TFCP2L1: variants seen among roughly 807,000 people sequenced by gnomAD.
TFCP2L1 encodes transcription factor CP2-like protein 1.
TFCP2L1 carries 12 observed loss-of-function variants against 72.2 expected under a neutral mutation model. The ratio of observed to expected loss-of-function variants is 0.17; its 90% CI spans 0.11 to 0.27. The LOEUF (loss-of-function observed/expected upper bound fraction) is 0.27, where lower values mean the gene tolerates loss of function less well. TFCP2L1 is among the 10% of genes least tolerant of loss of function. The probability of loss-of-function intolerance (pLI) is 1.00; values close to 1 mark genes in which losing one functional copy is unlikely to be tolerated. For synonymous variants in TFCP2L1, 260 were observed against 251.0 expected (o/e 1.04, Z -0.34); for missense variants, 488 against 624.6 (o/e 0.78, Z 2.33).
In TFCP2L1 at chr2:121,219,302, G is replaced by A. The variant is rs964689609; in HGVS notation, c.*5039C>T. 6.6e-6 allele frequency: 1 copy of A among 152,280 alleles called. No homozygotes were observed. Among genetic ancestry groups the A allele is most frequent in the Admixed American group, 6.5e-5 (1 of 15,288 alleles). The allele number at this position is 152,280 out of a possible 1,614,324, so 9.4% of individuals were successfully genotyped here. A position where few individuals can be genotyped will look rare whatever the true frequency, so the allele number is the denominator to read the frequency against. The stretch of plus-strand genomic sequence containing the variant: ...TCATCTCCACACCTTGCCAAGCTGA[G>A]GCTGCTTCTGGCTGTGCTCATGGCA... On this transcript the variant is annotated 3_prime_UTR_variant, in exon 15 of 15. Coordinates refer to ENST00000263707, the MANE Select transcript of TFCP2L1 (RefSeq NM_014553.3).
chr2:121,246,644 G>C (rs949934799), intron 6 of TFCP2L1, among the ~76,000 whole-genome samples, 174 bp downstream of exon 6: 1 of 152,204 alleles, frequency 6.6e-6, no homozygotes, highest in African/African-American at 2.4e-5. Flanking sequence ...AGCAGCCTGT[G>C]GTGCCTGGAC....
chr2:121,284,280 C>T (rs1252397099), intron 1 of TFCP2L1, among the ~76,000 whole-genome samples: 3 of 152,136 alleles, frequency 2.0e-5, no homozygotes, highest in Non-Finnish European at 4.4e-5. Flanking sequence ...CTGGTTCAGG[C>T]GAGTTCACAA....
intron 2 of TFCP2L1, among the ~76,000 whole-genome samples, chr2:121,257,185 A>G (rs1686744120): frequency 6.6e-6 from 1 of 152,186 alleles, no homozygotes; most frequent in African/African-American, 2.4e-5. Flanking sequence ...AGCCAAGGTG[A>G]CCTTGGGAGT....
In TFCP2L1 at chr2:121,237,654, C is replaced by T. The variant is rs772260501; in HGVS notation, c.972G>A (p.Ser324=). The stretch of plus-strand genomic sequence containing the variant: ...AGCTGGCAAAGAGCCGGCAGAACTG[C>T]GAGAACCTGTTGCGGTGAAGCCACT... The part of the protein sequence containing the change: ...AQQWLHRNRF[S]QFCRLFASFS... The change falls in exon 10 of 15, where the codon TCG becomes TCA. Residue 324 remains serine (S), a synonymous_variant. Transcript: ENST00000263707. 37 of 1,614,082 alleles carry T rather than the reference C, an allele frequency of 2.3e-5. No individual in the cohort carries two copies. The highest frequency in any genetic ancestry group is 3.3e-4 in the Middle Eastern group (2 of 6,082).
chr2:121,280,341 T>G (rs1356493861), intron 2 of TFCP2L1, among the ~76,000 whole-genome samples: 2 of 152,170 alleles, frequency 1.3e-5, no homozygotes, highest in African/African-American at 2.4e-5. Flanking sequence ...GATGGAACCC[T>G]GCTCCGGTGC....
rs1473194157 is a variant in TFCP2L1 at position 121,240,393 on chromosome 2, G to C, written c.769-744C>G. On this transcript the variant is annotated intron_variant, in intron 7 of 14. Coordinates refer to ENST00000263707, the MANE Select transcript of TFCP2L1 (RefSeq NM_014553.3). ...AAAGTTCATCTCTTCCCTTCCCTGC[G>C]ATGATGCCTCTTCAGAGAGGGCCAA... 5 of 985,280 alleles carry C rather than the reference G, an allele frequency of 5.1e-6. No individual in the cohort carries two copies. The East Asian group carries it at 5.7e-4, about 112-fold the overall frequency. 61.0% of individuals were successfully genotyped at this position (985,280 alleles called of 1,614,324 possible). A position where few individuals can be genotyped will look rare whatever the true frequency, so the allele number is the denominator to read the frequency against.
chr2:121,250,909 T>C (rs928719549), intron 2 of TFCP2L1, among the ~76,000 whole-genome samples: 1 of 150,584 alleles, frequency 6.6e-6, no homozygotes, highest in African/African-American at 2.4e-5. Flanking sequence ...CTGGCCAGTA[T>C]TGGTATATCT....
intron 10 of TFCP2L1, 28 bp from the exon 11 acceptor site, chr2:121,235,339 G>A (rs1378886573): frequency 1.3e-5 from 21 of 1,611,406 alleles, no homozygotes; most frequent in Non-Finnish European, 1.7e-5. Context: ...GGGGATGCCT[G>A]TTACATGGAA....
At chr2:121,275,646 C>G (rs1573397571) in intron 2 of TFCP2L1, among the ~76,000 whole-genome samples, 1 of 148,206 alleles carries the variant, frequency 6.7e-6, no homozygotes, top group Non-Finnish European at 1.5e-5. Context: ...TCTTGGCTCA[C>G]TGCAACCTCT....
chr2:121,279,924 C>T (rs1177287329), intron 2 of TFCP2L1, among the ~76,000 whole-genome samples: 3 of 152,116 alleles, frequency 2.0e-5, no homozygotes, highest in African/African-American at 7.2e-5. Context: ...CTGGGGCACA[C>T]AAACAATAAA....
At chr2:121,256,724 C>T (rs1266851264) in intron 2 of TFCP2L1, among the ~76,000 whole-genome samples, 1 of 151,740 alleles carries the variant, frequency 6.6e-6, no homozygotes, top group South Asian at 2.1e-4. Flanking sequence ...TGCAGTGAGG[C>T]AAGATGGCGT....
Position 121,234,045 on chromosome 2 carries a change from T to C in TFCP2L1, c.1198+46A>G, listed in dbSNP as rs747487077. On this transcript the variant is annotated intron_variant, in intron 12 of 14. Transcript: ENST00000263707. The stretch of plus-strand genomic sequence containing the variant: ...CAGACTGCGGGCTTGAAAGCCAGGC[T>C]GCGGGACCCAATGTGTGGGTCCCAG... 1.7e-5 allele frequency: 27 copies of C among 1,548,606 alleles called. No homozygotes were observed. In the Middle Eastern group the frequency reaches 1.1e-3, roughly 65 times the overall value.
intron 2 of TFCP2L1, among the ~76,000 whole-genome samples, chr2:121,269,215 G>C (rs1686993805): frequency 6.6e-6 from 1 of 151,978 alleles, no homozygotes; most frequent in Non-Finnish European, 1.5e-5. Context: ...GGGAGGCTGA[G>C]GCGGGGGTGG....
intron 6 of TFCP2L1, 142 bp downstream of exon 6, chr2:121,246,676 A>G: frequency 9.3e-7 from 1 of 1,079,614 alleles, no homozygotes; most frequent in Non-Finnish European, 1.3e-6. Context: ...GTGCATTAGA[A>G]GCCCAGGTAG....
chr2:121,263,354 T>C (rs755904121), intron 2 of TFCP2L1, among the ~76,000 whole-genome samples: 6 of 152,114 alleles, frequency 3.9e-5, no homozygotes, highest in Non-Finnish European at 5.9e-5. Context: ...CTGACTGATT[T>C]TGATTTACAA....
chr2:121,229,877 T>C (rs975999290), intron 13 of TFCP2L1, among the ~76,000 whole-genome samples: 1 of 152,166 alleles, frequency 6.6e-6, no homozygotes, highest in African/African-American at 2.4e-5. Flanking sequence ...TCTCTACTTC[T>C]CCCAGCCACT....
chr2:121,253,454 T>A (rs1686651453), intron 2 of TFCP2L1, among the ~76,000 whole-genome samples: 1 of 152,182 alleles, frequency 6.6e-6, no homozygotes, highest in African/African-American at 2.4e-5. Context: ...GATATCAACA[T>A]AAAACATGCC....
chr2:121,234,758 G>A (rs998107170), intron 11 of TFCP2L1, among the ~76,000 whole-genome samples: 2 of 152,232 alleles, frequency 1.3e-5, no homozygotes, highest in African/African-American at 4.8e-5. Flanking sequence ...TGGCCAGCAC[G>A]GCTGCAGAAC....
At chr2:121,268,976 T>G (rs1686988611) in intron 2 of TFCP2L1, among the ~76,000 whole-genome samples, 1 of 151,752 alleles carries the variant, frequency 6.6e-6, no homozygotes, top group Non-Finnish European at 1.5e-5. Context: ...AATGTATTCC[T>G]TATGCACCAT....
Sources: allele counts gnomAD v4.1 joint callset (sites outside exome capture counted in the v4.1 genomes callset), GRCh38; gene constraint gnomAD v4.1.1; transcripts MANE v1.5; gene names NCBI Gene and HGNC (gene_info 2026-07-23, HGNC 2026-07-21).